Variants in NEGR1 observed in about 807,000 individuals in gnomAD.
NEGR1 encodes the protein neuronal growth regulator 1.
In NEGR1, 10 loss-of-function variants were observed where a neutral mutation model predicts 40.9. That is an observed-to-expected ratio of 0.24 (90% confidence interval 0.15 to 0.42). The LOEUF is 0.42. NEGR1 is among the 10% of genes least tolerant of loss of function. The probability of loss-of-function intolerance (pLI) is 1.00; values close to 1 mark genes in which losing one functional copy is unlikely to be tolerated. For missense variants in NEGR1, 352 were observed against 438.9 expected (o/e 0.80, Z 1.77); for synonymous variants, 185 against 166.8 (o/e 1.11, Z -0.84).
intron 1 of NEGR1, among the ~76,000 whole-genome samples, chr1:71,999,591 C>A (rs1646536125): frequency 7.3e-6 from 1 of 136,718 alleles, no homozygotes; most frequent in Non-Finnish European, 1.6e-5. Flanking sequence ...CATTCCTTCT[C>A]ACTCCCAAAA....
intron 2 of NEGR1, among the ~76,000 whole-genome samples, chr1:71,927,856 G>A (rs1016747874): frequency 9.0e-6 from 1 of 111,630 alleles, no homozygotes; most frequent in African/African-American, 4.1e-5. Context: ...AAAAAAGCCA[G>A]GCAGAGTGGT....
chr1:71,992,962 A>G (rs1042772800), intron 1 of NEGR1, among the ~76,000 whole-genome samples: 2 of 152,200 alleles, frequency 1.3e-5, no homozygotes, highest in African/African-American at 4.8e-5. Context: ...TCCCTGTCCT[A>G]TTATCATGCT....
chr1:71,438,528 G>A (rs1384704617), intron 6 of NEGR1, among the ~76,000 whole-genome samples: 1 of 152,164 alleles, frequency 6.6e-6, no homozygotes, highest in Non-Finnish European at 1.5e-5. Context: ...ATAAAGAGAG[G>A]TTTTAGGTGT....
chr1:71,958,932 G>T (rs1455247421), intron 1 of NEGR1, among the ~76,000 whole-genome samples: 3 of 146,998 alleles, frequency 2.0e-5, no homozygotes, highest in East Asian at 2.0e-4. Context: ...TCCAGCCTGG[G>T]CAAGGCTCCA....
chr1:72,105,682 A>C (rs1649108153), intron 1 of NEGR1, among the ~76,000 whole-genome samples: 1 of 152,102 alleles, frequency 6.6e-6, no homozygotes, highest in African/African-American at 2.4e-5. Flanking sequence ...CGATAGTTTC[A>C]AACATGGAGA....
rs191611794 is a variant in NEGR1 at position 71,502,578 on chromosome 1, C to T, written c.940+90239G>A. On this transcript the variant is annotated intron_variant, in intron 6 of 6. Transcript: ENST00000357731. The stretch of plus-strand genomic sequence containing the variant: ...CTGTGCCTTCATGGAGTGGGACTCT[C>T]GCAGAGAGGGGAGATGCGTCCCACC... 1.8e-3 allele frequency among the ~76,000 whole-genome samples: 267 copies of T among 152,218 alleles called. 4 individuals are homozygous for T. Among genetic ancestry groups the T allele is most frequent in the African/African-American group, 6.0e-3 (251 of 41,526 alleles).
At chr1:72,117,776 T>C (rs1649637499) in intron 1 of NEGR1, among the ~76,000 whole-genome samples, 1 of 151,874 alleles carries the variant, frequency 6.6e-6, no homozygotes, top group South Asian at 2.1e-4. Context: ...TTTAACATTC[T>C]TTATATAGGC....
At chr1:72,083,715 T>C (rs748195848) in intron 1 of NEGR1, among the ~76,000 whole-genome samples, 7 of 151,874 alleles carry the variant, frequency 4.6e-5, no homozygotes, top group Non-Finnish European at 1.0e-4. Flanking sequence ...CTTTCCTAGG[T>C]TTGATTTTTT....
At chr1:71,728,192 G>A (rs933754765) in intron 3 of NEGR1, among the ~76,000 whole-genome samples, 4 of 152,122 alleles carry the variant, frequency 2.6e-5, no homozygotes, top group African/African-American at 9.7e-5. Context: ...TATAGGCAAC[G>A]ATCCAAGAGA....
At chr1:72,140,271 G>T (rs1650623561) in intron 1 of NEGR1, among the ~76,000 whole-genome samples, 1 of 149,446 alleles carries the variant, frequency 6.7e-6, no homozygotes, top group Admixed American at 6.7e-5. Flanking sequence ...TTTTTTAAAG[G>T]ATTATGTGTT....
chr1:71,439,425 T>C (rs907707117), intron 6 of NEGR1, among the ~76,000 whole-genome samples: 1 of 152,172 alleles, frequency 6.6e-6, no homozygotes, highest in Non-Finnish European at 1.5e-5. Context: ...TACAGTGGTG[T>C]GATTTTGGCT....
chr1:72,184,711 T>C (rs1032969610), intron 1 of NEGR1, among the ~76,000 whole-genome samples: 2 of 152,070 alleles, frequency 1.3e-5, no homozygotes, highest in Admixed American at 6.6e-5. Context: ...TTGATACTTA[T>C]GAACCATCCG....
intron 2 of NEGR1, among the ~76,000 whole-genome samples, chr1:71,782,167 A>C (rs1192384931): frequency 6.6e-6 from 1 of 152,056 alleles, no homozygotes; most frequent in Non-Finnish European, 1.5e-5. Flanking sequence ...AGGTGATTAG[A>C]TCATGAAGGG....
intron 1 of NEGR1, among the ~76,000 whole-genome samples, chr1:72,266,949 C>T (rs749895002): frequency 2.7e-5 from 4 of 150,824 alleles, no homozygotes; most frequent in African/African-American, 7.3e-5. Context: ...TAAAGCATAC[C>T]GGAGGGTAAA....
chr1:71,474,657 G>GAGAGAGAGAGAGGGT (rs1646807370), intron 6 of NEGR1, among the ~76,000 whole-genome samples: 1 of 142,640 alleles, frequency 7.0e-6, no homozygotes, highest in Non-Finnish European at 1.5e-5. Context: ...GTTGCAGTGA[G>GAGAGAGAGAGAGGGT]CCAAATTGTA....
chr1:71,643,620 A>C (rs192703337), intron 4 of NEGR1, among the ~76,000 whole-genome samples: 65 of 152,132 alleles, frequency 4.3e-4, no homozygotes, highest in East Asian at 3.9e-4. Flanking sequence ...CTATTCTTAA[A>C]ATTTTCACCA....
At chr1:71,607,343 G>A (rs1219686718) in intron 5 of NEGR1, among the ~76,000 whole-genome samples, 1 of 152,302 alleles carries the variant, frequency 6.6e-6, no homozygotes. Flanking sequence ...AACTTGAAAT[G>A]CTTTTGCCCT....
chr1:71,865,588 C>T (rs1256279817), intron 2 of NEGR1, among the ~76,000 whole-genome samples: 1 of 152,042 alleles, frequency 6.6e-6, no homozygotes, highest in Non-Finnish European at 1.5e-5. Context: ...ACATCACACA[C>T]TGGGGCCTGT....
rs1660497642 is a variant in NEGR1, at chr1:71,878,581, A to G, written c.409+56498T>C. ...CATAAAAATATATAGTTTTAATTAA[A>G]TGTATTTGTCACCATTATGAAAAAT... On this transcript the variant is annotated intron_variant, in intron 2 of 6. Transcript: ENST00000357731. Among the ~76,000 whole-genome samples the G allele has an allele frequency of 2.6e-5, 4 of 152,356 alleles. No individual in the cohort carries two copies. The South Asian group carries it at 8.3e-4, about 32-fold the overall frequency.
Sources: allele counts gnomAD v4.1 joint callset (sites outside exome capture counted in the v4.1 genomes callset), GRCh38; gene constraint gnomAD v4.1.1; transcripts MANE v1.5; gene names NCBI Gene and HGNC (gene_info 2026-07-23, HGNC 2026-07-21).